The following PTPRD variants were observed in gnomAD, a reference collection of about 807,000 sequenced individuals.
PTPRD encodes protein tyrosine phosphatase receptor type D.
In PTPRD, 34 loss-of-function variants were observed where a neutral mutation model predicts 214.5. The ratio of observed to expected loss-of-function variants is 0.16; its 90% CI spans 0.12 to 0.21. The LOEUF (loss-of-function observed/expected upper bound fraction) is 0.21, where lower values mean the gene tolerates loss of function less well. Among genes scored for constraint, PTPRD ranks in the 10% least tolerant of loss-of-function variants. The pLI is 1.00. For synonymous variants in PTPRD, 1,128 were observed against 845.7 expected (o/e 1.33, Z -5.79); for missense variants, 2,545 against 2,398.7 (o/e 1.06, Z -1.27).
intron 7 of PTPRD, among the ~76,000 whole-genome samples, chr9:9,584,669 G>C (rs1484500739): frequency 6.6e-6 from 1 of 151,748 alleles, no homozygotes; most frequent in Non-Finnish European, 1.5e-5. Flanking sequence ...TCCAAGAAAG[G>C]ATCTCTCTCC....
chr9:9,355,215 AT>A (rs1233212972), intron 9 of PTPRD, among the ~76,000 whole-genome samples: 4 of 151,698 alleles, frequency 2.6e-5, no homozygotes, highest in African/African-American at 9.7e-5. Flanking sequence ...TGGTTTTTAT[AT>A]ACCAATTATA....
At chr9:8,482,879 GCCT>G (rs1222771707) in intron 30 of PTPRD, among the ~76,000 whole-genome samples, 5 of 150,840 alleles carry the variant, frequency 3.3e-5, no homozygotes, top group Admixed American at 1.3e-4. Context: ...TTATTTGTAT[GCCT>G]CCTATTTATC....
intron 2 of PTPRD, among the ~76,000 whole-genome samples, chr9:10,466,145 C>G (rs1250622536): frequency 1.3e-5 from 2 of 152,066 alleles, no homozygotes; most frequent in Non-Finnish European, 2.9e-5. Context: ...TTTCTATCCT[C>G]CAACAATCAG....
intron 7 of PTPRD, among the ~76,000 whole-genome samples, chr9:9,703,654 G>A (rs942753655): frequency 1.3e-5 from 2 of 152,020 alleles, no homozygotes; most frequent in Non-Finnish European, 2.9e-5. Flanking sequence ...GCTATCTGTT[G>A]ATTTGTTCTG....
intron 3 of PTPRD, among the ~76,000 whole-genome samples, chr9:10,044,445 T>C (rs569150946): frequency 1.3e-5 from 2 of 151,878 alleles, no homozygotes; most frequent in South Asian, 4.1e-4. Context: ...ACTTAGTTGA[T>C]AGTTATATTT....
chr9:10,243,815 T>C (rs926262398), intron 3 of PTPRD, among the ~76,000 whole-genome samples: 1 of 152,042 alleles, frequency 6.6e-6, no homozygotes, highest in Non-Finnish European at 1.5e-5. Flanking sequence ...CTTTGAACCT[T>C]TATCCTCCCA....
intron 3 of PTPRD, among the ~76,000 whole-genome samples, chr9:10,268,570 A>T (rs945368734): frequency 1.2e-4 from 19 of 152,106 alleles, no homozygotes; most frequent in African/African-American, 4.6e-4. Context: ...CCTAACACAG[A>T]TAGATTGATC....
At chr9:9,413,406 G>T (rs966846529) in intron 8 of PTPRD, among the ~76,000 whole-genome samples, 2 of 151,988 alleles carry the variant, frequency 1.3e-5, no homozygotes, top group Admixed American at 6.6e-5. Context: ...GAGCCACCGC[G>T]CCCGGCCTGC....
chr9:8,650,205 C>G (rs974055800), intron 12 of PTPRD, among the ~76,000 whole-genome samples: 7 of 151,946 alleles, frequency 4.6e-5, no homozygotes, highest in African/African-American at 1.4e-4. Context: ...GGCATGAGCC[C>G]ACACTCAGCA....
At chr9:10,473,086 G>C (rs2099041527) in intron 2 of PTPRD, among the ~76,000 whole-genome samples, 1 of 151,952 alleles carries the variant, frequency 6.6e-6, no homozygotes, top group South Asian at 2.1e-4. Flanking sequence ...TCACGCTCCA[G>C]TACCCAAAAT....
intron 2 of PTPRD, among the ~76,000 whole-genome samples, chr9:10,439,632 T>G (rs2098746085): frequency 6.6e-6 from 1 of 151,608 alleles, no homozygotes; most frequent in Admixed American, 6.6e-5. Context: ...GTGCAAACTA[T>G]AAAGTGAGTT....
intron 2 of PTPRD, among the ~76,000 whole-genome samples, chr9:10,451,637 T>C (rs1341631569): frequency 6.6e-6 from 1 of 151,650 alleles, no homozygotes; most frequent in South Asian, 2.1e-4. Flanking sequence ...ATCAGTGACA[T>C]CAGTGTGTGG....
chr9:9,087,131 T>C (rs1434675062), intron 10 of PTPRD, among the ~76,000 whole-genome samples: 1 of 152,160 alleles, frequency 6.6e-6, no homozygotes, highest in Non-Finnish European at 1.5e-5. Context: ...CTCTTGGATT[T>C]TTCTCTCTGT....
chr9:10,142,098 C>A (rs2154268014), intron 3 of PTPRD, among the ~76,000 whole-genome samples: 1 of 152,128 alleles, frequency 6.6e-6, no homozygotes, highest in East Asian at 1.9e-4. Context: ...TGGATCCCTT[C>A]CTTACACCTT....
intron 7 of PTPRD, among the ~76,000 whole-genome samples, chr9:9,634,344 A>G (rs558723037): frequency 2.6e-4 from 39 of 152,302 alleles, no homozygotes; most frequent in African/African-American, 9.4e-4. Flanking sequence ...CTCACAAGAA[A>G]TGATATGGGG....
At chr9:8,606,883 G>T (rs35425965) in intron 14 of PTPRD, among the ~76,000 whole-genome samples, 38,668 of 151,912 alleles carry the variant, frequency 0.25, 5,019 homozygotes, top group African/African-American at 0.3. Flanking sequence ...TTTTTTTTGT[G>T]TGACCAAATT....
intron 8 of PTPRD, among the ~76,000 whole-genome samples, chr9:9,491,934 G>C (rs1474870076): frequency 1.3e-5 from 2 of 151,844 alleles, no homozygotes; most frequent in Non-Finnish European, 2.9e-5. Flanking sequence ...AAACAGTAGA[G>C]TAAATCAATG....
intron 3 of PTPRD, among the ~76,000 whole-genome samples, chr9:10,317,939 T>C (rs2096474949): frequency 6.6e-6 from 1 of 152,074 alleles, no homozygotes; most frequent in Non-Finnish European, 1.5e-5. Context: ...ACAATAGATA[T>C]GACATTTGAA....
At chr9:8,956,363 T>C (rs2099131698) in intron 11 of PTPRD, among the ~76,000 whole-genome samples, 1 of 151,948 alleles carries the variant, frequency 6.6e-6, no homozygotes. Flanking sequence ...TTAACATTAT[T>C]CATGTTTAAT....
Sources: gnomAD v4.1 joint callset for allele counts (sites outside exome capture counted in the v4.1 genomes callset) on GRCh38, gnomAD v4.1.1 for gene constraint, MANE v1.5 for transcripts, NCBI Gene and HGNC (gene_info 2026-07-23, HGNC 2026-07-21) for gene names.